The following CADM2 variants were observed in gnomAD, a reference collection of about 807,000 sequenced individuals.
CADM2 encodes immunoglobulin superfamily member 4D.
In CADM2, 12 loss-of-function variants were observed where a neutral mutation model predicts 49.8. The ratio of observed to expected loss-of-function variants is 0.24; its 90% CI spans 0.15 to 0.39. The LOEUF (loss-of-function observed/expected upper bound fraction) is 0.39, where lower values mean the gene tolerates loss of function less well. CADM2 is among the 10% of genes least tolerant of loss of function. CADM2 has a pLI of 1.00. For missense variants in CADM2, 378 were observed against 492.3 expected, an observed-to-expected ratio of 0.77 and a Z score of 2.20; for synonymous variants, 214 against 175.4, an observed-to-expected ratio of 1.22 and a Z score of -1.74.
chr3:85,883,755 GT>G (rs1308512327), intron 4 of CADM2, among the ~76,000 whole-genome samples: 1 of 152,116 alleles, frequency 6.6e-6, no homozygotes, highest in African/African-American at 2.4e-5. Context: ...TAATCTATAT[GT>G]TGTATATATT....
intron 1 of CADM2, among the ~76,000 whole-genome samples, chr3:85,331,248 A>C (rs1231342715): frequency 1.3e-5 from 2 of 151,976 alleles, no homozygotes; most frequent in Non-Finnish European, 2.9e-5. Flanking sequence ...GTATTTTTGT[A>C]AACGTTAACC....
chr3:85,241,091 G>A (rs2042520250), intron 1 of CADM2, among the ~76,000 whole-genome samples: 1 of 151,390 alleles, frequency 6.6e-6, no homozygotes, highest in African/African-American at 2.4e-5. Context: ...TTTATCATTT[G>A]AGATTGAGTT....
chr3:84,992,838 G>A (rs888479179), intron 1 of CADM2, among the ~76,000 whole-genome samples: 8 of 152,076 alleles, frequency 5.3e-5, no homozygotes, highest in Non-Finnish European at 8.8e-5. Flanking sequence ...CCCAAAACTT[G>A]CTACGTCATG....
intron 2 of CADM2, among the ~76,000 whole-genome samples, chr3:85,740,024 T>C (rs1329397825): frequency 6.6e-6 from 1 of 152,162 alleles, no homozygotes; most frequent in East Asian, 1.9e-4. Flanking sequence ...AAGAGATCTG[T>C]TATGAGTAAC....
intron 1 of CADM2, among the ~76,000 whole-genome samples, chr3:85,696,165 G>T (rs1305677723): frequency 6.6e-6 from 1 of 151,926 alleles, no homozygotes; most frequent in African/African-American, 2.4e-5. Context: ...TGGGATATTA[G>T]TCCTTGGTTG....
intron 2 of CADM2, among the ~76,000 whole-genome samples, chr3:85,758,690 G>T (rs936283167): frequency 6.6e-6 from 1 of 152,092 alleles, no homozygotes; most frequent in African/African-American, 2.4e-5. Flanking sequence ...TACTAAATAT[G>T]ACTGGGATGT....
At chr3:85,091,209 T>C (rs575516429) in intron 1 of CADM2, among the ~76,000 whole-genome samples, 5 of 152,212 alleles carry the variant, frequency 3.3e-5, no homozygotes, top group African/African-American at 4.8e-5. Context: ...AAAATTTCAA[T>C]GACTTGAAAA....
chr3:86,056,979 GCCTTAATTTA>G (rs1738072139), intron 8 of CADM2, among the ~76,000 whole-genome samples: 1 of 152,112 alleles, frequency 6.6e-6, no homozygotes, highest in Non-Finnish European at 1.5e-5. Flanking sequence ...GTATGATGTA[GCCTTAATTTA>G]AAACTCAAAG....
chr3:85,914,076 G>T (rs945768019), intron 6 of CADM2, among the ~76,000 whole-genome samples: 2 of 151,956 alleles, frequency 1.3e-5, no homozygotes, highest in Non-Finnish European at 2.9e-5. Flanking sequence ...ACTATAATAT[G>T]CTTATTTTTA....
intron 1 of CADM2, among the ~76,000 whole-genome samples, chr3:85,258,553 C>G (rs1395051024): frequency 6.6e-6 from 1 of 151,564 alleles, no homozygotes; most frequent in African/African-American, 2.4e-5. Flanking sequence ...AGTTTCTAAG[C>G]TGTCAGGTTG....
At chr3:85,343,138 G>C (rs1422184358) in intron 1 of CADM2, among the ~76,000 whole-genome samples, 1 of 152,062 alleles carries the variant, frequency 6.6e-6, no homozygotes, top group Non-Finnish European at 1.5e-5. Context: ...GTAGGGGCAG[G>C]GATGCTGTTA....
intron 1 of CADM2, among the ~76,000 whole-genome samples, chr3:85,293,672 A>C (rs1384453383): frequency 7.0e-6 from 1 of 141,924 alleles, no homozygotes; most frequent in East Asian, 2.0e-4. Flanking sequence ...ATATAAACAG[A>C]GCCAAAGACA....
intron 1 of CADM2, among the ~76,000 whole-genome samples, chr3:85,212,831 TTTCTTTC>T: frequency 9.8e-6 from 1 of 102,154 alleles, no homozygotes; most frequent in Non-Finnish European, 1.9e-5. Context: ...TCTTTCTTTC[TTTCTTTC>T]TTTCTTTCTT....
chr3:85,972,847 TAAC>T (rs1470425303), intron 8 of CADM2, among the ~76,000 whole-genome samples: 1 of 151,722 alleles, frequency 6.6e-6, no homozygotes, highest in East Asian at 1.9e-4. Flanking sequence ...TAAGCTCCAA[TAAC>T]AAAATGTGGT....
chr3:85,516,452 C>CAGGTAGGTAGGT (rs1348075222), intron 1 of CADM2, among the ~76,000 whole-genome samples: 1 of 152,012 alleles, frequency 6.6e-6, no homozygotes, highest in East Asian at 1.9e-4. Context: ...AGTTGGTAGG[C>CAGGTAGGTAGGT]AGGTAGGTAG....
At chr3:86,024,707 CCAT>C (rs1239657558) in intron 8 of CADM2, among the ~76,000 whole-genome samples, 4 of 151,994 alleles carry the variant, frequency 2.6e-5, no homozygotes, top group African/African-American at 9.7e-5. Flanking sequence ...AATATTTCTG[CCAT>C]CAAGCATATT....
intron 8 of CADM2, among the ~76,000 whole-genome samples, chr3:86,057,047 C>A (rs1017881322): frequency 1.3e-5 from 2 of 152,132 alleles, no homozygotes; most frequent in Admixed American, 6.5e-5. Flanking sequence ...AATCACTGCA[C>A]AAATATGAAG....
intron 8 of CADM2, among the ~76,000 whole-genome samples, chr3:86,002,738 G>A (rs527258509): frequency 1.0e-3 from 154 of 152,114 alleles, no homozygotes; most frequent in Non-Finnish European, 1.7e-3. Flanking sequence ...GTTCAAAATC[G>A]GTTCATAAAA....
intron 1 of CADM2, among the ~76,000 whole-genome samples, chr3:85,096,886 T>C (rs915612724): frequency 6.6e-6 from 1 of 152,174 alleles, no homozygotes; most frequent in African/African-American, 2.4e-5. Flanking sequence ...GAATTTGGAC[T>C]GTCAAGTTAT....
Sources: allele counts gnomAD v4.1 joint callset (sites outside exome capture counted in the v4.1 genomes callset), GRCh38; gene constraint gnomAD v4.1.1; transcripts MANE v1.5; gene names NCBI Gene and HGNC (gene_info 2026-07-23, HGNC 2026-07-21).